The following GALNTL6 variants were observed in gnomAD, a reference collection of about 807,000 sequenced individuals.
GALNTL6 encodes polypeptide N-acetylgalactosaminyltransferase like 6.
GALNTL6 carries 46 observed loss-of-function variants against 73.7 expected under a neutral mutation model. The ratio of observed to expected loss-of-function variants is 0.62; its 90% confidence interval spans 0.49 to 0.80. GALNTL6 has a LOEUF of 0.80. GALNTL6 is among the 30% of genes least tolerant of loss of function. GALNTL6 has a pLI of 0.00. For synonymous variants in GALNTL6, 259 were observed against 263.7 expected (o/e 0.98, Z 0.17); for missense variants, 604 against 755.0 (o/e 0.80, Z 2.34).
chr4:172,741,886 A>G (rs1213682992), intron 5 of GALNTL6, among the ~76,000 whole-genome samples: 2 of 151,904 alleles, frequency 1.3e-5, no homozygotes, highest in African/African-American at 4.8e-5. Flanking sequence ...CCTCTAAATC[A>G]CACAAATCCC....
intron 2 of GALNTL6, among the ~76,000 whole-genome samples, chr4:172,206,811 TTTGTTTG>T (rs1274849143): frequency 0.11 from 4,031 of 37,244 alleles, 555 homozygotes; most frequent in East Asian, 0.34. Context: ...TTCTGTTTTT[TTTGTTTG>T]TTTTTTTTTT....
chr4:172,805,971 TA>T lies in GALNTL6; in HGVS notation c.554-3386del, dbSNP rs1740932308. Among the ~76,000 whole-genome samples the T allele has an allele frequency of 2.0e-5, 3 of 152,264 alleles. No individual in the cohort carries two copies. In the South Asian group the frequency reaches 6.2e-4, roughly 32 times the overall value. On this transcript the variant is annotated intron_variant, in intron 5 of 12. Coordinates refer to ENST00000506823, the MANE Select transcript of GALNTL6 (RefSeq NM_001034845.3). ...TATGTATGTTCAAAATTCTCCATAA[TA>T]AAAGTTTTAAAATAAGAAAAAGAGA...
chr4:172,332,891 G>C (rs376326350), intron 4 of GALNTL6, among the ~76,000 whole-genome samples: 2 of 152,206 alleles, frequency 1.3e-5, no homozygotes, highest in South Asian at 2.1e-4. Context: ...TGTTTTCCAT[G>C]CTGACTATAC....
intron 2 of GALNTL6, among the ~76,000 whole-genome samples, chr4:171,936,065 T>G (rs1738336535): frequency 6.6e-6 from 1 of 152,094 alleles, no homozygotes; most frequent in Non-Finnish European, 1.5e-5. Flanking sequence ...AGACAAAAAA[T>G]TATTTATGGT....
intron 5 of GALNTL6, among the ~76,000 whole-genome samples, chr4:172,372,817 A>G (rs1426686902): frequency 6.6e-6 from 1 of 152,156 alleles, no homozygotes; most frequent in Non-Finnish European, 1.5e-5. Context: ...GGGGATCCAT[A>G]GTCGGCAAAA....
intron 2 of GALNTL6, among the ~76,000 whole-genome samples, chr4:172,151,558 A>G (rs1480348894): frequency 6.6e-6 from 1 of 152,202 alleles, no homozygotes; most frequent in Non-Finnish European, 1.5e-5. Context: ...CGTCAGGAGG[A>G]GTGTTTTGGA....
rs527355710 is a variant in GALNTL6 at position 172,644,125 on chromosome 4, T to C, written c.554-165236T>C. ...ATCATATTGGTTTGATTTCTATGCA[T>C]TTGTGTGGTTTTGAAATTTTATATG... On this transcript the variant is annotated intron_variant, in intron 5 of 12. Transcript: ENST00000506823. Among the ~76,000 whole-genome samples the C allele has an allele frequency of 1.3e-4, 20 of 152,076 alleles. No individual in the cohort carries two copies. The South Asian group carries it at 2.9e-3, about 22-fold the overall frequency.
intron 2 of GALNTL6, among the ~76,000 whole-genome samples, chr4:171,927,316 G>C (rs1560844774): frequency 6.6e-6 from 1 of 152,030 alleles, no homozygotes; most frequent in Non-Finnish European, 1.5e-5. Context: ...TAGAAGAAGA[G>C]TCAGCTTGCT....
At chr4:172,928,673 T>C (rs68168662) in intron 8 of GALNTL6, among the ~76,000 whole-genome samples, 6,884 of 152,232 alleles carry the variant, frequency 0.045, 185 homozygotes, top group South Asian at 0.074. Flanking sequence ...CCTGGTTCTA[T>C]CTCCTAAAGG....
intron 3 of GALNTL6, among the ~76,000 whole-genome samples, chr4:172,282,795 T>C (rs1268529421): frequency 6.6e-6 from 1 of 152,000 alleles, no homozygotes; most frequent in Non-Finnish European, 1.5e-5. Flanking sequence ...GGAGGCGTAA[T>C]CAAATGAATA....
intron 2 of GALNTL6, among the ~76,000 whole-genome samples, chr4:172,055,048 C>T (rs1730982863): frequency 6.6e-6 from 1 of 152,114 alleles, no homozygotes; most frequent in African/African-American, 2.4e-5. Flanking sequence ...GAACTAAATG[C>T]ATGGAGACAC....
chr4:171,826,514 C>T (rs1734828400), intron 2 of GALNTL6, among the ~76,000 whole-genome samples: 1 of 152,120 alleles, frequency 6.6e-6, no homozygotes, highest in African/African-American at 2.4e-5. Flanking sequence ...TGAGGTTTCT[C>T]CCCCTATTGG....
intron 2 of GALNTL6, among the ~76,000 whole-genome samples, chr4:172,057,889 A>G (rs1277262870): frequency 1.3e-5 from 2 of 151,600 alleles, no homozygotes; most frequent in Admixed American, 1.3e-4. Context: ...GTGGATACAC[A>G]CTTATGAACA....
intron 5 of GALNTL6, among the ~76,000 whole-genome samples, chr4:172,567,440 A>G (rs939383483): frequency 6.6e-6 from 1 of 152,326 alleles, no homozygotes. Context: ...GAAAGAAAAA[A>G]AAATCATACA....
intron 2 of GALNTL6, among the ~76,000 whole-genome samples, chr4:172,192,845 C>T (rs1735628580): frequency 6.6e-6 from 1 of 152,184 alleles, no homozygotes. Flanking sequence ...TGGCTCCAGT[C>T]TGCCATTTTC....
intron 2 of GALNTL6, among the ~76,000 whole-genome samples, chr4:171,956,397 A>T (rs1739051165): frequency 6.6e-6 from 1 of 152,180 alleles, no homozygotes; most frequent in African/African-American, 2.4e-5. Context: ...TCCTAAGGAT[A>T]AATTCCTAGA....
intron 11 of GALNTL6, among the ~76,000 whole-genome samples, chr4:173,021,131 C>T (rs934831371): frequency 7.9e-5 from 12 of 152,078 alleles, no homozygotes; most frequent in Non-Finnish European, 1.5e-5. Flanking sequence ...CCTCTCCCCT[C>T]TGTCTTTCCT....
chr4:172,724,943 C>T (rs963226573), intron 5 of GALNTL6, among the ~76,000 whole-genome samples: 8 of 152,114 alleles, frequency 5.3e-5, no homozygotes, highest in Non-Finnish European at 1.2e-4. Context: ...CCTGGGCTCT[C>T]CTTCTTCCAG....
rs149204263 is a variant in GALNTL6, at chr4:172,210,521, T to C, written c.139-19135T>C. Reference sequence around the variant, plus strand: ...TTTGTAAAATGTCCCTCTATTGGGATTTGTTTGCTGTTTTTCTGATGATTA... The same window carrying C: ...TTTGTAAAATGTCCCTCTATTGGGACTTGTTTGCTGTTTTTCTGATGATTA... On this transcript the variant is annotated intron_variant, in intron 2 of 12. Transcript: ENST00000506823. Among the ~76,000 whole-genome samples, 443 of 152,190 alleles carry C rather than the reference T, an allele frequency of 2.9e-3. 7 individuals carry two copies. Among genetic ancestry groups the C allele is most frequent in the African/African-American group, 0.01 (424 of 41,556 alleles).
Sources: gnomAD v4.1 joint callset for allele counts (sites outside exome capture counted in the v4.1 genomes callset) on GRCh38, gnomAD v4.1.1 for gene constraint, MANE v1.5 for transcripts, NCBI Gene and HGNC (gene_info 2026-07-23, HGNC 2026-07-21) for gene names.